The following ZBTB8OS variants were observed in gnomAD, a reference collection of about 807,000 sequenced individuals.
ZBTB8OS encodes tRNA-splicing ligase-activating factor archease.
A neutral mutation model predicts 29.3 loss-of-function variants in ZBTB8OS; 16 were observed. The observed-to-expected ratio is 0.55, with a 90% CI of 0.37 to 0.83. The LOEUF (loss-of-function observed/expected upper bound fraction) is 0.83. Among genes scored for constraint, ZBTB8OS ranks in the 40% least tolerant of loss-of-function variants. The pLI is 0.00. For missense variants in ZBTB8OS, 160 were observed against 196.9 expected, an observed-to-expected ratio of 0.81 and a Z score of 1.12; for synonymous variants, 70 against 64.6, an observed-to-expected ratio of 1.08 and a Z score of -0.40.
chr1:32,650,666 C>G (rs2148506143), upstream of ZBTB8OS: 1 of 1,529,116 alleles, frequency 6.5e-7, no homozygotes. Context: ...TGGCTGTTGA[C>G]CTACTTTAGT....
At chr1:32,633,408 T>A (rs1024499096) in intron 4 of ZBTB8OS, 10 of 399,832 alleles carry the variant, frequency 2.5e-5, no homozygotes, top group Non-Finnish European at 4.5e-5. Context: ...GGTACATTTT[T>A]ATCACACAAT....
intron 1 of ZBTB8OS, among the ~76,000 whole-genome samples, chr1:32,638,556 C>T (rs1287100239): frequency 6.6e-6 from 1 of 152,090 alleles, no homozygotes; most frequent in Non-Finnish European, 1.5e-5. Flanking sequence ...TGGGTTATAT[C>T]TGTCAATGAC....
chr1:32,649,492 T>A (rs1224620443), intron 1 of ZBTB8OS, among the ~76,000 whole-genome samples: 3 of 151,860 alleles, frequency 2.0e-5, no homozygotes, highest in African/African-American at 4.8e-5. Flanking sequence ...AATATAGAAT[T>A]TAAGAGACAA....
chr1:32,649,054 C>T (rs1035174689), intron 1 of ZBTB8OS, among the ~76,000 whole-genome samples: 3 of 145,910 alleles, frequency 2.1e-5, no homozygotes, highest in Admixed American at 6.8e-5. Flanking sequence ...GCAGCCTCCA[C>T]CCTCCTGGGT....
chr1:32,628,018 TG>T (rs1645246068), intron 5 of ZBTB8OS, among the ~76,000 whole-genome samples: 1 of 151,730 alleles, frequency 6.6e-6, no homozygotes, highest in African/African-American at 2.4e-5. Context: ...CACTCTAGCC[TG>T]GGTGTCAGGG....
intron 5 of ZBTB8OS, among the ~76,000 whole-genome samples, chr1:32,629,545 G>C (rs778974242): frequency 7.9e-5 from 12 of 152,100 alleles, no homozygotes; most frequent in Admixed American, 4.6e-4. Flanking sequence ...GTCCGAACTT[G>C]GTTTACACTT....
chr1:32,641,301 T>G (rs1251049949), intron 1 of ZBTB8OS, among the ~76,000 whole-genome samples: 2 of 146,066 alleles, frequency 1.4e-5, no homozygotes, highest in Non-Finnish European at 3.0e-5. Context: ...TGAGACAGAT[T>G]TTGCTCTTGT....
At chr1:32,623,972 G>C (rs968273137) in intron 6 of ZBTB8OS, among the ~76,000 whole-genome samples, 3 of 152,160 alleles carry the variant, frequency 2.0e-5, no homozygotes, top group African/African-American at 7.2e-5. Flanking sequence ...TGCTGTTCTA[G>C]TGATAGTGCG....
intron 4 of ZBTB8OS, chr1:32,632,082 A>G (rs1645608911): frequency 3.8e-6 from 1 of 265,886 alleles, no homozygotes; most frequent in South Asian, 5.1e-5. Context: ...GCTCACTGCA[A>G]CCTCCACCTC....
intron 1 of ZBTB8OS, among the ~76,000 whole-genome samples, chr1:32,646,549 G>A (rs1041727579): frequency 6.6e-6 from 1 of 151,060 alleles, no homozygotes; most frequent in Non-Finnish European, 1.5e-5. Context: ...CACCTCGCCC[G>A]GCTAATTTTT....
chr1:32,625,874 C>CT lies in ZBTB8OS; in HGVS notation c.417+1633dup, dbSNP rs756322138. Among the ~76,000 whole-genome samples, 181 of 142,914 alleles carry CT rather than the reference C, an allele frequency of 1.3e-3. 1 individual carries two copies. Among genetic ancestry groups the CT allele is most frequent in the African/African-American group, 2.4e-3 (92 of 39,066 alleles). 93.8% of individuals were successfully genotyped at this position (142,914 alleles called of 152,430 possible). On this transcript the variant is annotated intron_variant, in intron 6 of 6. Coordinates refer to ENST00000468695, the MANE Select transcript of ZBTB8OS (RefSeq NM_178547.5). ...GTCTGAGAAGATTATAATGCTGTTT[C>CT]TTTTTTTTTTTTTTAGATGGAGTTT...
chr1:32,627,764 C>T (rs374210776), intron 5 of ZBTB8OS: 80 of 553,646 alleles, frequency 1.4e-4, no homozygotes, highest in Non-Finnish European at 2.1e-4. Flanking sequence ...AGGCCAGGTG[C>T]GGTGGCTCAT....
At chr1:32,626,618 G>A (rs1431700066) in intron 6 of ZBTB8OS, among the ~76,000 whole-genome samples, 1 of 151,492 alleles carries the variant, frequency 6.6e-6, no homozygotes, top group African/African-American at 2.4e-5. Flanking sequence ...GCATGATCTC[G>A]GCTCACTGCA....
intron 1 of ZBTB8OS, among the ~76,000 whole-genome samples, chr1:32,642,894 C>T (rs1219384259): frequency 3.5e-5 from 5 of 144,014 alleles, no homozygotes; most frequent in East Asian, 4.2e-4. Context: ...TCTCAGCCTC[C>T]GGAGTAGCTG....
At chr1:32,650,694 G>T, upstream of ZBTB8OS, 2 of 1,282,058 alleles carry the variant, frequency 1.6e-6, no homozygotes, top group South Asian at 1.5e-5. Context: ...CTGCCGCTTG[G>T]ATCGCATATT....
At chr1:32,622,037 G>C in intron 6 of ZBTB8OS, 89 bp from the exon 7 acceptor site, 1 of 930,220 alleles carries the variant, frequency 1.1e-6, no homozygotes, top group South Asian at 1.7e-5. Context: ...TCAGCAGAAA[G>C]TAAAAATTTT....
intron 6 of ZBTB8OS, among the ~76,000 whole-genome samples, chr1:32,626,694 G>A (rs796655893): frequency 1.7e-4 from 26 of 152,176 alleles, no homozygotes; most frequent in South Asian, 4.1e-4. Context: ...GATTACAGGC[G>A]CGTGCCACCA....
chr1:32,638,246 T>TTC (rs1646139929), intron 1 of ZBTB8OS, among the ~76,000 whole-genome samples: 1 of 148,060 alleles, frequency 6.8e-6, no homozygotes, highest in African/African-American at 2.5e-5. Flanking sequence ...TTTTTTTTTT[T>TTC]TTTTTTTGAG....
rs1647325239 is a variant in ZBTB8OS at position 32,650,457 on chromosome 1, G to A, written c.73C>T (p.Pro25Ser). 5.6e-6 allele frequency: 9 copies of A among 1,614,174 alleles called. No individual in the cohort carries two copies. Among genetic ancestry groups the A allele is most frequent in the Non-Finnish European group, 7.6e-6 (9 of 1,180,030 alleles). The stretch of plus-strand genomic sequence containing the variant: ...CACTCGTACTTCCTATTGACTGGCG[G>A]ATACTTGGCCTTGATCGCCTTCTGT... Reference protein sequence around the residue: ...EEQKAIKAKYPPVNRKYEYLD... With the variant: ...EEQKAIKAKYSPVNRKYEYLD... Residue 25 changes from proline (P) to serine (S), a missense_variant, in exon 1 of 7, where the codon CCG (proline) becomes TCG (serine). Coordinates refer to ENST00000468695, the MANE Select transcript of ZBTB8OS (RefSeq NM_178547.5).
Sources: allele counts gnomAD v4.1 joint callset (sites outside exome capture counted in the v4.1 genomes callset), GRCh38; gene constraint gnomAD v4.1.1; transcripts MANE v1.5; gene names NCBI Gene and HGNC (gene_info 2026-07-23, HGNC 2026-07-21).